WDFY4: variants seen among roughly 807,000 people sequenced by gnomAD.
WDFY4 encodes the protein WD repeat- and FYVE domain-containing protein 4.
Under a neutral mutation model 351.9 loss-of-function variants are expected in WDFY4, and 169 were observed. The ratio of observed to expected loss-of-function variants is 0.48; its 90% CI spans 0.42 to 0.55. The LOEUF is 0.55. Among genes scored for constraint, WDFY4 ranks in the 20% least tolerant of loss-of-function variants. WDFY4 has a pLI of 0.00. For synonymous variants in WDFY4, 1,622 were observed against 1,574.6 expected (o/e 1.03, Z -0.71); for missense variants, 3,803 against 3,935.6 (o/e 0.97, Z 0.90).
chr10:48,969,725 T>C (rs1428471040), intron 56 of WDFY4, among the ~76,000 whole-genome samples: 1 of 117,566 alleles, frequency 8.5e-6, no homozygotes, highest in Non-Finnish European at 1.9e-5. Context: ...CAGGCCCCAT[T>C]CCTACTCCAG....
chr10:48,970,912 C>T (rs890528438), intron 57 of WDFY4, among the ~76,000 whole-genome samples: 6 of 152,164 alleles, frequency 3.9e-5, no homozygotes, highest in African/African-American at 1.4e-4. Context: ...ATAGAGAATG[C>T]TAATCGCAGC....
At chr10:48,966,466 G>A in intron 54 of WDFY4, 60 bp from the exon 55 acceptor site, 6 of 1,512,254 alleles carry the variant, frequency 4.0e-6, no homozygotes, top group Admixed American at 2.0e-5. Context: ...AGTGTGCACA[G>A]GGACGACCCC....
intron 2 of WDFY4, among the ~76,000 whole-genome samples, chr10:48,713,266 G>A (rs1251769908): frequency 1.3e-5 from 2 of 152,156 alleles, no homozygotes; most frequent in African/African-American, 4.8e-5. Context: ...AAACTTGTGA[G>A]TCTTGAGATT....
At position 48,731,493 on chromosome 10, in the gene WDFY4, C is replaced by T. The variant is rs759592071; in HGVS notation, c.1513C>T (p.Arg505Trp). Residue 505 changes from arginine (R) to tryptophan (W), a missense_variant, in exon 9 of 62, where the codon CGG becomes TGG. This residue lies in a region of WDFY4 where 261 missense variants were observed against 330.2 expected (regional missense o/e 0.79). Transcript: ENST00000325239. ...GGDPLFTDIFRDSGLLGLLLA... is the reference protein window; with the variant it reads ...GGDPLFTDIFWDSGLLGLLLA... ...GGACCCCCTCTTCACCGACATCTTC[C>T]GGGACTCAGGGCTCCTGGGCCTGCT... 1.7e-5 allele frequency: 26 copies of T among 1,551,476 alleles called. No homozygotes were observed. Among genetic ancestry groups the T allele is most frequent in the South Asian group, 9.5e-5 (8 of 84,062 alleles).
intron 9 of WDFY4, 144 bp downstream of exon 9, chr10:48,731,706 CA>C (rs2064466153): frequency 1.9e-6 from 2 of 1,058,118 alleles, no homozygotes; most frequent in Non-Finnish European, 2.6e-6. Flanking sequence ...CACACAGTTT[CA>C]CAAAAGACAG....
At chr10:48,891,059 A>C (rs550077992) in intron 44 of WDFY4, among the ~76,000 whole-genome samples, 3 of 152,220 alleles carry the variant, frequency 2.0e-5, no homozygotes, top group Non-Finnish European at 2.9e-5. Context: ...TTAGTTGCTC[A>C]TTCTGCGTGA....
In WDFY4 at chr10:48,778,818, A is replaced by G. The variant is rs1419500555; in HGVS notation, c.3383A>G (p.Glu1128Gly). The G allele has an allele frequency of 1.4e-5, 21 of 1,550,828 alleles. No homozygotes were observed. In the East Asian group the frequency reaches 5.1e-4, roughly 38 times the overall value. ...LSLVVSTEEK[E>G]FQPLDVMEPE... Reference sequence around the variant, plus strand: ...TTGGTTGTTTCTACAGAAGAGAAGGAGTTTCAGCCTCTGGGTAAGGTGCTG... The same window carrying G: ...TTGGTTGTTTCTACAGAAGAGAAGGGGTTTCAGCCTCTGGGTAAGGTGCTG... The change falls in exon 18 of 62, where the codon GAG (glutamate) becomes GGG (glycine). Residue 1128 changes from glutamate (E) to glycine (G), a missense_variant. This residue lies in a region of WDFY4 where 3,054 missense variants were observed against 3,148.6 expected (regional missense o/e 0.97). Coordinates refer to ENST00000325239, the MANE Select transcript of WDFY4 (RefSeq NM_001394531.1).
chr10:48,876,590 A>G (rs1286299475), intron 42 of WDFY4, among the ~76,000 whole-genome samples: 1 of 127,210 alleles, frequency 7.9e-6, no homozygotes, highest in Admixed American at 7.6e-5. Flanking sequence ...TCACAACTTC[A>G]TATCTTTTCC....
At position 48,821,951 on chromosome 10, in the gene WDFY4, A is replaced by T. The variant is rs906843158; in HGVS notation, c.5825-429A>T. Among the ~76,000 whole-genome samples the T allele has an allele frequency of 2.6e-5, 4 of 152,224 alleles. No homozygotes were observed. The East Asian group carries it at 7.7e-4, about 29-fold the overall frequency. ...AACTCACAGGGTTGTGCTAGGGGTT[A>T]GTTGAGATCATCACACACATGGCTG... On this transcript the variant is annotated intron_variant, in intron 34 of 61. Transcript: ENST00000325239.
chr10:48,701,561 G>C (rs7909344), intron 1 of WDFY4, among the ~76,000 whole-genome samples: 41,415 of 152,140 alleles, frequency 0.27, 5,835 homozygotes, highest in Non-Finnish European at 0.31. Context: ...CTTGACCAAC[G>C]TGGAGGCTGA....
intron 24 of WDFY4, among the ~76,000 whole-genome samples, chr10:48,800,504 G>C (rs2067030650): frequency 6.6e-6 from 1 of 151,766 alleles, no homozygotes; most frequent in Non-Finnish European, 1.5e-5. Flanking sequence ...GTGAGGGAAG[G>C]AGGGACAGGA....
intron 36 of WDFY4, 85 bp from the exon 37 acceptor site, chr10:48,828,693 T>G (rs1394213374): frequency 2.1e-5 from 16 of 766,230 alleles, no homozygotes; most frequent in Non-Finnish European, 3.2e-5. Context: ...TATTGGAGGA[T>G]GATTATTTGT....
chr10:48,861,747 G>C (rs1459423361), intron 39 of WDFY4, among the ~76,000 whole-genome samples: 1 of 152,014 alleles, frequency 6.6e-6, no homozygotes, highest in South Asian at 2.1e-4. Flanking sequence ...TTGCTATTTG[G>C]GGGATTTTTT....
intron 57 of WDFY4, 72 bp from the exon 58 acceptor site, chr10:48,974,790 G>A: frequency 3.6e-6 from 5 of 1,406,812 alleles, no homozygotes; most frequent in Non-Finnish European, 3.8e-6. Context: ...CAGCTTTATA[G>A]GGAGGGTGAA....
At position 48,963,835 on chromosome 10, in the gene WDFY4, G is replaced by A; in HGVS notation, c.8224-7G>A. The A allele has an allele frequency of 6.4e-7, 1 of 1,551,428 alleles. No homozygotes were observed. Among genetic ancestry groups the A allele is most frequent in the Non-Finnish European group, 8.7e-7 (1 of 1,146,968 alleles). On this transcript the variant is annotated splice_polypyrimidine_tract_variant and splice_region_variant and intron_variant, in intron 53 of 61. Transcript: ENST00000325239. Reference sequence around the variant, plus strand: ...GGGTTTTAATGCTCTTTGGGTTTTTGTTCCAGGCCCTGGAAAGTGACTTTG... The same window carrying A: ...GGGTTTTAATGCTCTTTGGGTTTTTATTCCAGGCCCTGGAAAGTGACTTTG...
intron 1 of WDFY4, among the ~76,000 whole-genome samples, chr10:48,703,171 T>G (rs1413623657): frequency 6.6e-6 from 1 of 151,968 alleles, no homozygotes; most frequent in African/African-American, 2.4e-5. Flanking sequence ...AAGAATGGCT[T>G]TGCTATTTAT....
intron 47 of WDFY4, among the ~76,000 whole-genome samples, chr10:48,911,946 G>T (rs1024118303): frequency 1.2e-4 from 19 of 152,236 alleles, no homozygotes; most frequent in Non-Finnish European, 1.5e-5. Flanking sequence ...GTGTGCTGTG[G>T]TTGACAATGT....
intron 39 of WDFY4, among the ~76,000 whole-genome samples, chr10:48,862,497 C>T (rs932001465): frequency 6.6e-6 from 1 of 152,108 alleles, no homozygotes; most frequent in African/African-American, 2.4e-5. Context: ...TTATGAGAAT[C>T]TAATGCCTGA....
Position 48,830,815 on chromosome 10 carries a change from G to A in WDFY4, c.6456G>A (p.Arg2152=). The part of the protein sequence containing the change: ...KIDLSVKPGE[R]EVKIEEVTPL... ...ATCTCTCTGTGAAACCTGGAGAGAGGGAAGTGAAGATTGAAGAGGTCACAC... is the reference window on the plus strand; with the variant it reads ...ATCTCTCTGTGAAACCTGGAGAGAGAGAAGTGAAGATTGAAGAGGTCACAC... Residue 2152 remains arginine, a synonymous_variant, in exon 38 of 62, where the codon AGG becomes AGA. Coordinates refer to ENST00000325239, the MANE Select transcript of WDFY4 (RefSeq NM_001394531.1). The A allele has an allele frequency of 6.4e-7, 1 of 1,551,700 alleles. No individual in the cohort carries two copies. The highest frequency in any genetic ancestry group is 8.7e-7 in the Non-Finnish European group (1 of 1,146,974).
Sources: allele counts gnomAD v4.1 joint callset (sites outside exome capture counted in the v4.1 genomes callset), GRCh38; gene constraint gnomAD v4.1.1; regional missense constraint gnomAD v4.1.1; transcripts MANE v1.5; gene names NCBI Gene and HGNC (gene_info 2026-07-23, HGNC 2026-07-21).